Variants in CHD1 observed in about 807,000 individuals in gnomAD.
CHD1 encodes the protein ATP-dependent chromatin remodeler CHD1.
CHD1 carries 36 observed loss-of-function variants against 224.2 expected under a neutral mutation model. The ratio of observed to expected loss-of-function variants is 0.16; its 90% CI spans 0.12 to 0.21. CHD1 has a LOEUF of 0.21. Among genes scored for constraint, CHD1 ranks in the 10% least tolerant of loss-of-function variants. The pLI, the probability that CHD1 is intolerant of heterozygous loss-of-function variation, is 1.00. For synonymous variants in CHD1, 668 were observed against 658.3 expected (o/e 1.01, Z -0.23); for missense variants, 1,378 against 1,994.8 (o/e 0.69, Z 5.89).
At chr5:98,916,523 C>A (rs566464366) in intron 2 of CHD1, among the ~76,000 whole-genome samples, 273 of 81,474 alleles carry the variant, frequency 3.4e-3, no homozygotes, top group African/African-American at 0.013. Flanking sequence ...CCAGTCTGGG[C>A]AACAAGAGTG....
chr5:98,863,627 AAACCTAAATTC>A (rs774178705), intron 31 of CHD1, 41 bp from the exon 32 acceptor site: 2 of 1,453,088 alleles, frequency 1.4e-6, no homozygotes, highest in South Asian at 2.5e-5. Flanking sequence ...CATGTATTAA[AAACCTAAATTC>A]AACAAGGTCT....
chr5:98,914,995 T>C (rs1752647058), intron 2 of CHD1, among the ~76,000 whole-genome samples: 1 of 152,222 alleles, frequency 6.6e-6, no homozygotes, highest in African/African-American at 2.4e-5. Context: ...TGGAAAGTAG[T>C]AGGTAATGAC....
intron 28 of CHD1, 90 bp from the exon 29 acceptor site, chr5:98,870,893 T>A: frequency 1.7e-6 from 1 of 595,798 alleles, no homozygotes; most frequent in Non-Finnish European, 2.8e-6. Context: ...TAAATATATA[T>A]ATAGTTCACC....
At chr5:98,908,368 T>C (rs1375993255) in intron 2 of CHD1, among the ~76,000 whole-genome samples, 1 of 152,172 alleles carries the variant, frequency 6.6e-6, no homozygotes, top group Non-Finnish European at 1.5e-5. Flanking sequence ...CTCCCAAAAC[T>C]TCTGGAATAT....
At chr5:98,863,116 G>A (rs909425976) in intron 32 of CHD1, among the ~76,000 whole-genome samples, 5 of 151,950 alleles carry the variant, frequency 3.3e-5, no homozygotes, top group Non-Finnish European at 4.4e-5. Context: ...TAATAATTTG[G>A]TAAATTGCAA....
At chr5:98,864,198 A>G (rs1748684329) in intron 31 of CHD1, among the ~76,000 whole-genome samples, 1 of 152,190 alleles carries the variant, frequency 6.6e-6, no homozygotes, top group African/African-American at 2.4e-5. Flanking sequence ...AGCAATAGGC[A>G]CTATAACCTT....
chr5:98,896,253 A>G lies in CHD1; in HGVS notation c.1683T>C (p.Tyr561=). ...TGTTTCTGCTGTTAATGTCACCTAA[A>G]TAAACCACAGCATTCATTTGAGAAG... ...TWASQMNAVV[Y]LGDINSRNMI... Residue 561 remains tyrosine (Y), a synonymous_variant, in exon 12 of 36, where the codon TAT becomes TAC. Coordinates refer to ENST00000614616, the MANE Select transcript of CHD1 (RefSeq NM_001270.4). 6.2e-7 allele frequency: 1 copy of G among 1,613,996 alleles called. No homozygotes were observed. The highest frequency in any genetic ancestry group is 1.3e-5 in the African/African-American group (1 of 75,052).
In CHD1 at chr5:98,911,146, A is replaced by AATATATATATAT. The variant is rs1158932549; in HGVS notation, c.54-6060_54-6049dup. Among the ~76,000 whole-genome samples the AATATATATATAT allele has an allele frequency of 1.3e-3, 49 of 39,114 alleles. 1 individual carries two copies. The highest frequency in any genetic ancestry group is 3.2e-3 in the African/African-American group (27 of 8,324). 25.7% of individuals were successfully genotyped at this position (39,114 alleles called of 152,430 possible). A position where few individuals can be genotyped will look rare whatever the true frequency, so the allele number is the denominator to read the frequency against. Reference sequence around the variant, plus strand: ...TGCTAAAATGAAAAAAAAAAAAAAAAATATATATATATATATATATATATA... The same window carrying AATATATATATAT: ...TGCTAAAATGAAAAAAAAAAAAAAAAATATATATATATATATATATATATATATATATATATA... On this transcript the variant is annotated intron_variant, in intron 2 of 35. Coordinates refer to ENST00000614616, the MANE Select transcript of CHD1 (RefSeq NM_001270.4).
intron 4 of CHD1, among the ~76,000 whole-genome samples, 183 bp downstream of exon 4, chr5:98,903,609 C>A (rs1368295262): frequency 6.6e-6 from 1 of 152,120 alleles, no homozygotes; most frequent in Non-Finnish European, 1.5e-5. Context: ...TTGGATTAAT[C>A]CCTAAAATTG....
chr5:98,895,856 G>C (rs1298650460), intron 12 of CHD1, among the ~76,000 whole-genome samples: 1 of 151,912 alleles, frequency 6.6e-6, no homozygotes, highest in African/African-American at 2.4e-5. Context: ...CTTATTTGTG[G>C]CAAGTTCTAT....
intron 5 of CHD1, 47 bp downstream of exon 5, chr5:98,902,853 T>A (rs988025159): frequency 8.5e-7 from 1 of 1,172,240 alleles, no homozygotes; most frequent in African/African-American, 1.5e-5. Context: ...TATGAAATAA[T>A]CAGGATTTTT....
chr5:98,911,146 AATATATATATAT>A lies in CHD1; in HGVS notation c.54-6060_54-6049del, dbSNP rs1158932549. On this transcript the variant is annotated intron_variant, in intron 2 of 35. Coordinates refer to ENST00000614616, the MANE Select transcript of CHD1 (RefSeq NM_001270.4). ...TGCTAAAATGAAAAAAAAAAAAAAA[AATATATATATAT>A]ATATATATATATATATATAGAGGCA... is the stretch of plus-strand genomic sequence containing the variant. 4.6e-4 allele frequency among the ~76,000 whole-genome samples: 18 copies of A among 39,136 alleles called. 1 individual carries two copies. Among genetic ancestry groups the A allele is most frequent in the African/African-American group, 2.0e-3 (17 of 8,342 alleles). The allele number at this position is 39,136 out of a possible 152,430, so 25.7% of individuals were successfully genotyped here.
In CHD1 at chr5:98,872,042, G is replaced by T. The variant is rs558858972; in HGVS notation, c.3861+9C>A. 6.3e-7 allele frequency: 1 copy of T among 1,597,330 alleles called. No homozygotes were observed. The highest frequency in any genetic ancestry group is 1.3e-5 in the African/African-American group (1 of 74,306). On this transcript the variant is annotated intron_variant, in intron 28 of 35. Coordinates refer to ENST00000614616, the MANE Select transcript of CHD1 (RefSeq NM_001270.4). ...TGAATGGTTAACAGAATCAGAAATA[G>T]ATAAATACCTTGTGTGTTAGACTGA...
chr5:98,888,285 G>GT lies in CHD1; in HGVS notation c.2344-46dup, dbSNP rs777610515. On this transcript the variant is annotated intron_variant, in intron 16 of 35. Coordinates refer to ENST00000614616, the MANE Select transcript of CHD1 (RefSeq NM_001270.4). ...TGTTATATGTTAAAAGACATAAATGGTAAGTTGTCCACGTAACACTTTAGT... is the reference window on the plus strand; with the variant it reads ...TGTTATATGTTAAAAGACATAAATGGTTAAGTTGTCCACGTAACACTTTAGT... 5 of 1,414,096 alleles carry GT rather than the reference G, an allele frequency of 3.5e-6. No homozygotes were observed. In the African/African-American group the frequency reaches 4.3e-5, roughly 12 times the overall value. 87.6% of individuals were successfully genotyped at this position (1,414,096 alleles called of 1,614,324 possible).
At chr5:98,894,728 A>G in intron 12 of CHD1, 42 bp from the exon 13 acceptor site, 1 of 844,270 alleles carries the variant, frequency 1.2e-6, no homozygotes, top group Non-Finnish European at 1.9e-6. Flanking sequence ...ACAAACATCA[A>G]GCAAATTATA....
At chr5:98,897,092 C>T (rs1050287481) in intron 11 of CHD1, 101 bp downstream of exon 11, 1 of 1,140,014 alleles carries the variant, frequency 8.8e-7, no homozygotes, top group African/African-American at 1.6e-5. Context: ...TATAAACTGC[C>T]AAAGAGTCTT....
Position 98,854,229 on chromosome 5 carries a change from T to C in CHD1, c.*2151A>G, listed in dbSNP as rs1747871329. ...TATCATTTGATAAATGTACATACAG[T>C]TCTATATTTTTCATTCAACTCAGCT... is the stretch of plus-strand genomic sequence containing the variant. On this transcript the variant is annotated 3_prime_UTR_variant, in exon 36 of 36. Transcript: ENST00000614616. The C allele has an allele frequency of 1.3e-5, 2 of 152,016 alleles. No homozygotes were observed. The highest frequency in any genetic ancestry group is 2.4e-5 in the African/African-American group (1 of 41,438). 9.4% of individuals were successfully genotyped at this position (152,016 alleles called of 1,614,324 possible).
chr5:98,867,966 T>C (rs2112289975), intron 31 of CHD1, among the ~76,000 whole-genome samples: 1 of 151,952 alleles, frequency 6.6e-6, no homozygotes, highest in South Asian at 2.1e-4. Flanking sequence ...ACACACCCAG[T>C]TAATTTTTGT....
At position 98,897,853 on chromosome 5, in the gene CHD1, A is replaced by G. The variant is rs537339398; in HGVS notation, c.1365+403T>C. The stretch of plus-strand genomic sequence containing the variant: ...TCCTATATCACTCTCCTTTTTCTCT[A>G]CCTTCTAAGAAAATATCCACTATCT... On this transcript the variant is annotated intron_variant, in intron 10 of 35. Coordinates refer to ENST00000614616, the MANE Select transcript of CHD1 (RefSeq NM_001270.4). Among the ~76,000 whole-genome samples the G allele has an allele frequency of 1.4e-4, 21 of 152,216 alleles. No individual in the cohort carries two copies. The East Asian group carries it at 3.9e-3, about 28-fold the overall frequency.
Sources: allele counts gnomAD v4.1 joint callset (sites outside exome capture counted in the v4.1 genomes callset), GRCh38; gene constraint gnomAD v4.1.1; transcripts MANE v1.5; gene names NCBI Gene and HGNC (gene_info 2026-07-23, HGNC 2026-07-21).